The following THSD4 variants were observed in gnomAD, a reference collection of about 807,000 sequenced individuals.
The protein encoded by THSD4 is thrombospondin type 1 domain containing 4.
A neutral mutation model predicts 119.0 loss-of-function variants in THSD4; 69 were observed. That is an observed-to-expected ratio of 0.58 (90% CI 0.48 to 0.71). The LOEUF is 0.71. Ranked by LOEUF, THSD4 falls within the 30% of genes least tolerant of loss-of-function variation. The pLI, the probability that THSD4 is intolerant of heterozygous loss-of-function variation, is 0.00. For missense variants in THSD4, 1,393 were observed against 1,391.1 expected, an observed-to-expected ratio of 1.00 and a Z score of -0.02; for synonymous variants, 524 against 540.4, an observed-to-expected ratio of 0.97 and a Z score of 0.42.
chr15:71,685,604 A>G lies in THSD4; in HGVS notation c.1357+24870A>G, dbSNP rs535493916. Among the ~76,000 whole-genome samples the G allele has an allele frequency of 6.4e-4, 98 of 152,234 alleles. 1 individual carries two copies. The highest frequency in any genetic ancestry group is 1.0e-3 in the South Asian group (5 of 4,824). On this transcript the variant is annotated intron_variant, in intron 8 of 17. Transcript: ENST00000261862. ...ATTCTCATATCTGCTTCTCCAATCT[A>G]TTGTGATAGATTATTTGGCTAAAGT... is the stretch of plus-strand genomic sequence containing the variant.
intron 7 of THSD4, among the ~76,000 whole-genome samples, chr15:71,580,306 G>A (rs986803725): frequency 2.6e-5 from 4 of 152,102 alleles, no homozygotes; most frequent in South Asian, 2.1e-4. Context: ...ACTCTAAGGC[G>A]GTTAGGCTCC....
At chr15:71,438,453 C>A (rs2047045467) in intron 7 of THSD4, among the ~76,000 whole-genome samples, 1 of 152,114 alleles carries the variant, frequency 6.6e-6, no homozygotes, top group African/African-American at 2.4e-5. Flanking sequence ...AGAAATCATC[C>A]TGTTTTCTTT....
chr15:71,473,488 C>T (rs2140646168), intron 7 of THSD4, among the ~76,000 whole-genome samples: 1 of 152,314 alleles, frequency 6.6e-6, no homozygotes, highest in Middle Eastern at 3.4e-3. Flanking sequence ...GTTTCTGAGC[C>T]TTCAAATCTA....
intron 6 of THSD4, among the ~76,000 whole-genome samples, chr15:71,294,981 TG>T (rs1468403629): frequency 6.7e-6 from 1 of 150,222 alleles, no homozygotes; most frequent in Non-Finnish European, 1.5e-5. Flanking sequence ...TTATGGCACC[TG>T]GGAACTGGGA....
chr15:71,397,485 CTCTG>C (rs1391966466), intron 6 of THSD4, among the ~76,000 whole-genome samples: 1 of 152,196 alleles, frequency 6.6e-6, no homozygotes, highest in African/African-American at 2.4e-5. Flanking sequence ...AGGGCAGGGA[CTCTG>C]TCTTAGTAAT....
At chr15:71,607,625 C>T (rs553380663) in intron 7 of THSD4, among the ~76,000 whole-genome samples, 2 of 152,308 alleles carry the variant, frequency 1.3e-5, no homozygotes, top group East Asian at 1.9e-4. Context: ...ACCCAACCCC[C>T]AGTCACAACG....
At chr15:71,572,132 C>A (rs771477377) in intron 7 of THSD4, among the ~76,000 whole-genome samples, 11 of 152,086 alleles carry the variant, frequency 7.2e-5, no homozygotes, top group Admixed American at 2.0e-4. Flanking sequence ...AAAATAAAAT[C>A]CTACCACAAC....
chr15:71,751,224 A>G (rs2053443165), intron 14 of THSD4, among the ~76,000 whole-genome samples: 1 of 152,236 alleles, frequency 6.6e-6, no homozygotes, highest in Non-Finnish European at 1.5e-5. Flanking sequence ...AGTAAACTTG[A>G]TGGATTTCCT....
chr15:71,690,893 A>T (rs561603383), intron 8 of THSD4, among the ~76,000 whole-genome samples: 4 of 152,302 alleles, frequency 2.6e-5, no homozygotes, highest in African/African-American at 7.2e-5. Context: ...AGAATTCAAG[A>T]TGAGATTTGG....
rs931693069 is a variant in THSD4 at position 71,341,165 on chromosome 15, C to G, written c.1016-70522C>G. ...TTTATTTTAATGCTGAATTTACTCC[C>G]GTGCCATAAGTTTTTGTTTCTTCAG... On this transcript the variant is annotated intron_variant, in intron 6 of 17. Coordinates refer to ENST00000261862, the MANE Select transcript of THSD4 (RefSeq NM_024817.3). 2.1e-6 allele frequency: 3 copies of G among 1,430,270 alleles called. No individual in the cohort carries two copies. The Admixed American group carries it at 5.1e-5, about 24-fold the overall frequency. 88.6% of individuals were successfully genotyped at this position (1,430,270 alleles called of 1,614,324 possible). A position where few individuals can be genotyped will look rare whatever the true frequency, so the allele number is the denominator to read the frequency against.
intron 7 of THSD4, among the ~76,000 whole-genome samples, chr15:71,423,996 T>G (rs1195392074): frequency 6.6e-6 from 1 of 152,050 alleles, no homozygotes; most frequent in Non-Finnish European, 1.5e-5. Flanking sequence ...ATCACTGTGC[T>G]CTCCCTCCCA....
At chr15:71,288,381 C>T (rs967388841) in intron 6 of THSD4, among the ~76,000 whole-genome samples, 5 of 152,138 alleles carry the variant, frequency 3.3e-5, no homozygotes, top group Admixed American at 2.0e-4. Flanking sequence ...GAAGTGAAAA[C>T]ATGGGCCAGT....
Position 71,748,578 on chromosome 15 carries a change from C to A in THSD4, c.2399C>A (p.Thr800Asn). The change falls in exon 14 of 18, where the codon ACC (threonine) becomes AAC (asparagine). Residue 800 changes from threonine to asparagine, a missense_variant. By Grantham distance (65) the Thr-to-Asn change is moderately conservative (BLOSUM62 0). Transcript: ENST00000261862. ...CCCTGTGCCAAGAGCTGGTTCCTCA[C>A]CGAGTGGAGCGAAAGGGTGAGTGTG... The part of the protein sequence containing the change: ...MGPCAKSWFL[T>N]EWSERCSAEC... 6.2e-7 allele frequency: 1 copy of A among 1,614,088 alleles called. No individual in the cohort carries two copies. Among genetic ancestry groups the A allele is most frequent in the East Asian group, 2.2e-5 (1 of 44,872 alleles).
intron 7 of THSD4, among the ~76,000 whole-genome samples, chr15:71,571,071 T>A (rs1403161703): frequency 1.3e-5 from 2 of 152,180 alleles, no homozygotes; most frequent in South Asian, 4.1e-4. Context: ...GAGCCTGAGG[T>A]GTCCTATGGG....
At chr15:71,624,359 G>A (rs1350097483) in intron 7 of THSD4, among the ~76,000 whole-genome samples, 2 of 152,162 alleles carry the variant, frequency 1.3e-5, no homozygotes, top group Non-Finnish European at 2.9e-5. Flanking sequence ...CAACAAAATA[G>A]ATGAACATGT....
At chr15:71,330,813 G>C (rs1167637313) in intron 6 of THSD4, among the ~76,000 whole-genome samples, 1 of 152,172 alleles carries the variant, frequency 6.6e-6, no homozygotes, top group African/African-American at 2.4e-5. Flanking sequence ...GCTGTCACCA[G>C]TCCATCGCTC....
At chr15:71,413,949 A>G (rs191398620) in intron 7 of THSD4, among the ~76,000 whole-genome samples, 3 of 152,368 alleles carry the variant, frequency 2.0e-5, no homozygotes, top group African/African-American at 7.2e-5. Flanking sequence ...CCTGATAGCA[A>G]TCTAGCTTTA....
intron 8 of THSD4, among the ~76,000 whole-genome samples, chr15:71,727,115 A>C (rs8041646): frequency 0.97 from 147,295 of 152,076 alleles, 71,496 homozygotes; most frequent in East Asian, 1. Context: ...AGTACACACT[A>C]GAAATCACAG....
At chr15:71,677,314 C>T (rs2051672788) in intron 8 of THSD4, among the ~76,000 whole-genome samples, 2 of 152,320 alleles carry the variant, frequency 1.3e-5, no homozygotes, top group South Asian at 4.1e-4. Context: ...GGAAAGTGAT[C>T]ATTGAGTATT....
Sources: allele counts gnomAD v4.1 joint callset (sites outside exome capture counted in the v4.1 genomes callset), GRCh38; gene constraint gnomAD v4.1.1; transcripts MANE v1.5; gene names NCBI Gene and HGNC (gene_info 2026-07-23, HGNC 2026-07-21).